Variants in SLC30A7 observed in about 807,000 individuals in gnomAD.
SLC30A7 encodes zinc transporter 7.
SLC30A7 carries 35 observed loss-of-function variants against 46.0 expected under a neutral mutation model. The observed-to-expected ratio is 0.76, with a 90% CI of 0.58 to 1.01. The LOEUF (loss-of-function observed/expected upper bound fraction) is 1.01, where lower values mean the gene tolerates loss of function less well. SLC30A7 is among the 50% of genes least tolerant of loss of function. The pLI is 0.00. For synonymous variants in SLC30A7, 147 were observed against 157.8 expected (o/e 0.93, Z 0.51); for missense variants, 464 against 451.1 (o/e 1.03, Z -0.26).
chr1:100,954,300 A>C (rs1299404984), intron 8 of SLC30A7, among the ~76,000 whole-genome samples: 2 of 152,226 alleles, frequency 1.3e-5, no homozygotes, highest in African/African-American at 4.8e-5. Context: ...ATAACAAAGA[A>C]CAAGTTATTT....
intron 10 of SLC30A7, 143 bp from the exon 11 acceptor site, chr1:100,974,667 T>C: frequency 1.8e-6 from 1 of 552,018 alleles, no homozygotes; most frequent in Non-Finnish European, 3.0e-6. Context: ...TTTTTGTAGC[T>C]TATGAATATA....
At chr1:100,942,719 G>C (rs1654421265) in intron 8 of SLC30A7, among the ~76,000 whole-genome samples, 1 of 152,186 alleles carries the variant, frequency 6.6e-6, no homozygotes, top group Non-Finnish European at 1.5e-5. Context: ...TCTATGCAAG[G>C]CTGGTTTATG....
intron 8 of SLC30A7, among the ~76,000 whole-genome samples, chr1:100,949,746 C>T (rs1232366309): frequency 6.6e-6 from 1 of 152,212 alleles, no homozygotes; most frequent in Non-Finnish European, 1.5e-5. Flanking sequence ...AGCCAGGCTG[C>T]AGCATTGCAG....
At chr1:100,931,508 T>C (rs2101045576) in intron 8 of SLC30A7, among the ~76,000 whole-genome samples, 1 of 152,284 alleles carries the variant, frequency 6.6e-6, no homozygotes, top group East Asian at 1.9e-4. Context: ...TTACTGGATT[T>C]TATTTTCCAT....
Position 100,921,763 on chromosome 1 carries a change from C to A in SLC30A7, c.764C>A (p.Ala255Asp). 6.2e-7 allele frequency: 1 copy of A among 1,612,210 alleles called. No individual in the cohort carries two copies. The highest frequency in any genetic ancestry group is 8.5e-7 in the Non-Finnish European group (1 of 1,178,798). Residue 255 changes from alanine to aspartate, a missense_variant, in exon 8 of 11, where the codon GCC (alanine) becomes GAC (aspartate). Ala to Asp is a moderately radical substitution (Grantham distance 126). Transcript: ENST00000357650. The stretch of plus-strand genomic sequence containing the variant: ...GGAAGTATTGGTGTAATTGCTTCTG[C>A]CATCATGATGCAAAATTTTGGTCTG... ...TLGSIGVIAS[A>D]IMMQNFGLMI...
At chr1:100,933,295 A>G (rs900905536) in intron 8 of SLC30A7, among the ~76,000 whole-genome samples, 19 of 151,666 alleles carry the variant, frequency 1.3e-4, no homozygotes, top group African/African-American at 4.6e-4. Context: ...TTTTAGCTTT[A>G]TCACTTGTTA....
chr1:100,965,941 T>C, intron 10 of SLC30A7, 23 bp downstream of exon 10: 1 of 1,583,836 alleles, frequency 6.3e-7, no homozygotes, highest in South Asian at 1.2e-5. Context: ...TACTAACTTC[T>C]TTTAAGGGCC....
At chr1:100,973,653 G>A (rs1656287027) in intron 10 of SLC30A7, among the ~76,000 whole-genome samples, 1 of 152,082 alleles carries the variant, frequency 6.6e-6, no homozygotes, top group Non-Finnish European at 1.5e-5. Flanking sequence ...GTATTTACCA[G>A]CTCTTGTACC....
At chr1:100,896,773 T>C in intron 2 of SLC30A7, 102 bp downstream of exon 2, 1 of 899,456 alleles carries the variant, frequency 1.1e-6, no homozygotes, top group South Asian at 1.4e-5. Flanking sequence ...GTTCAGGTCC[T>C]ACCTTTGTTA....
At chr1:100,959,056 A>G (rs950174101) in intron 8 of SLC30A7, among the ~76,000 whole-genome samples, 2 of 152,224 alleles carry the variant, frequency 1.3e-5, no homozygotes, top group Non-Finnish European at 2.9e-5. Flanking sequence ...GAGCAAAACC[A>G]TGAAAGTAAT....
In SLC30A7 at chr1:100,965,710, T is replaced by G. The variant is rs114781278; in HGVS notation, c.934-59T>G. On this transcript the variant is annotated intron_variant, in intron 9 of 10. Transcript: ENST00000357650. ...TTTACTGATATGTTGCATAATAACT[T>G]AAGTAAAAGGGAGTGCTTAACTTGA... 1,010 of 1,413,812 alleles carry G rather than the reference T, an allele frequency of 7.1e-4. 5 individuals are homozygous for G. In the African/African-American group the frequency reaches 0.013, roughly 18 times the overall value. 87.6% of individuals were successfully genotyped at this position (1,413,812 alleles called of 1,614,324 possible).
At chr1:100,930,821 T>A (rs530473200) in intron 8 of SLC30A7, among the ~76,000 whole-genome samples, 2 of 152,212 alleles carry the variant, frequency 1.3e-5, no homozygotes, top group South Asian at 4.2e-4. Context: ...TATTGCATAG[T>A]TATTGTATTC....
At chr1:100,941,211 A>G (rs996493098) in intron 8 of SLC30A7, 6 of 372,128 alleles carry the variant, frequency 1.6e-5, no homozygotes, top group African/African-American at 2.1e-5. Flanking sequence ...AGCACCTCCA[A>G]ATTTGCTTCC....
chr1:100,930,666 C>T (rs1385248126), intron 8 of SLC30A7, among the ~76,000 whole-genome samples: 8 of 151,682 alleles, frequency 5.3e-5, no homozygotes, highest in African/African-American at 1.7e-4. Flanking sequence ...TGGGTGTTCC[C>T]TAACAATTTC....
rs1389532822 is a variant in SLC30A7 at position 100,923,048 on chromosome 1, C to T, written c.842+1207C>T. On this transcript the variant is annotated intron_variant, in intron 8 of 10. Coordinates refer to ENST00000357650, the MANE Select transcript of SLC30A7 (RefSeq NM_133496.5). Reference sequence around the variant, plus strand: ...TTTTTTTTTTTTTGAGACGGAGTCTCGCTGTCGCCCAGGCTGGAGTGCAGT... The same window carrying T: ...TTTTTTTTTTTTTGAGACGGAGTCTTGCTGTCGCCCAGGCTGGAGTGCAGT... Among the ~76,000 whole-genome samples the T allele has an allele frequency of 5.2e-5, 4 of 76,902 alleles. No homozygotes were observed. In the South Asian group the frequency reaches 1.8e-3, roughly 34 times the overall value. 50.5% of individuals were successfully genotyped at this position (76,902 alleles called of 152,430 possible).
chr1:100,912,889 AAGTGT>A lies in SLC30A7; in HGVS notation c.511+652_511+656del, dbSNP rs201515664. ...CAAGACTCTGTCTAAAAAAAAAAAA[AAGTGT>A]GTGTGTTTATGAAATGTACTATGTA... On this transcript the variant is annotated intron_variant, in intron 5 of 10. Transcript: ENST00000357650. Among the ~76,000 whole-genome samples, 50 of 146,726 alleles carry A rather than the reference AAGTGT, an allele frequency of 3.4e-4. 1 individual carries two copies. The East Asian group carries it at 3.9e-3, about 12-fold the overall frequency.
chr1:100,930,925 A>G (rs565949029), intron 8 of SLC30A7, among the ~76,000 whole-genome samples: 1 of 152,270 alleles, frequency 6.6e-6, no homozygotes, highest in Non-Finnish European at 1.5e-5. Flanking sequence ...CCCTAATACT[A>G]TAAAGCCTCA....
At chr1:100,941,905 C>G (rs1039793716) in intron 8 of SLC30A7, 4 of 322,266 alleles carry the variant, frequency 1.2e-5, no homozygotes, top group Non-Finnish European at 2.3e-5. Context: ...CTCCTCAGAT[C>G]TTCCTCAGCT....
rs572024456 is a variant in SLC30A7, at chr1:100,927,547, A to G, written c.842+5706A>G. 1.3e-3 allele frequency among the ~76,000 whole-genome samples: 204 copies of G among 152,312 alleles called. 1 individual carries two copies. The highest frequency in any genetic ancestry group is 4.6e-3 in the African/African-American group (190 of 41,570). On this transcript the variant is annotated intron_variant, in intron 8 of 10. Transcript: ENST00000357650. ...AAAGCCTTTTGCTGTAAAGGGGAGC[A>G]GTGTGATTGCCTGGCAGCACAGAGG...
Sources: allele counts gnomAD v4.1 joint callset (sites outside exome capture counted in the v4.1 genomes callset), GRCh38; gene constraint gnomAD v4.1.1; transcripts MANE v1.5; gene names NCBI Gene and HGNC (gene_info 2026-07-23, HGNC 2026-07-21).